The following SYNPO2 variants were observed in gnomAD, a reference collection of about 807,000 sequenced individuals.
SYNPO2 encodes the protein synaptopodin-2.
In SYNPO2, 56 loss-of-function variants were observed where a neutral mutation model predicts 85.0. That is an observed-to-expected ratio of 0.66 (90% CI 0.53 to 0.82). The LOEUF (loss-of-function observed/expected upper bound fraction) is 0.82, where lower values mean the gene tolerates loss of function less well. Ranked by LOEUF, SYNPO2 falls within the 40% of genes least tolerant of loss-of-function variation. The pLI is 0.00. For synonymous variants in SYNPO2, 602 were observed against 591.1 expected, an observed-to-expected ratio of 1.02 and a Z score of -0.27; for missense variants, 1,575 against 1,534.2, an observed-to-expected ratio of 1.03 and a Z score of -0.44.
chr4:118,869,733 AG>A lies in SYNPO2; in HGVS notation c.12+18794del, dbSNP rs567784525. On this transcript the variant is annotated intron_variant, in intron 1 of 4. Transcript: ENST00000610556. Reference sequence around the variant, plus strand: ...AAAACTTACAACTGGGAGATAGGACAGCTGATTTGTCAGCAAATATTTTTGA... The same window carrying A: ...AAAACTTACAACTGGGAGATAGGACACTGATTTGTCAGCAAATATTTTTGA... Among the ~76,000 whole-genome samples, 282 of 152,320 alleles carry A rather than the reference AG, an allele frequency of 1.9e-3. 1 individual carries two copies. The highest frequency in any genetic ancestry group is 6.0e-3 in the African/African-American group (249 of 41,582).
intron 1 of SYNPO2, among the ~76,000 whole-genome samples, chr4:118,913,678 G>A (rs1447521406): frequency 6.6e-6 from 1 of 151,868 alleles, no homozygotes; most frequent in Non-Finnish European, 1.5e-5. Context: ...TGAGGTCTTT[G>A]TGTCAGGGTC....
intron 1 of SYNPO2, among the ~76,000 whole-genome samples, chr4:118,945,924 T>C (rs1031736687): frequency 1.3e-5 from 2 of 152,050 alleles, no homozygotes; most frequent in Non-Finnish European, 2.9e-5. Flanking sequence ...TTTTGTATTG[T>C]TTGTAGAGTA....
At chr4:118,982,634 T>C (rs186573230) in intron 1 of SYNPO2, among the ~76,000 whole-genome samples, 1 of 152,348 alleles carries the variant, frequency 6.6e-6, no homozygotes, top group Admixed American at 6.5e-5. Flanking sequence ...CTTGCAGATA[T>C]CTTTTTGGTA....
intron 4 of SYNPO2, chr4:119,036,083 G>A (rs1227184455): frequency 1.0e-5 from 10 of 985,322 alleles, no homozygotes; most frequent in East Asian, 1.1e-4. Flanking sequence ...ATAAACTAGG[G>A]CTCCTGCAAG....
chr4:118,999,738 G>A (rs1293924548), intron 1 of SYNPO2, among the ~76,000 whole-genome samples: 1 of 152,108 alleles, frequency 6.6e-6, no homozygotes, highest in Non-Finnish European at 1.5e-5. Flanking sequence ...CATTGATCTG[G>A]GCTTTGCAGG....
intron 1 of SYNPO2, among the ~76,000 whole-genome samples, chr4:118,939,380 T>C (rs1437659791): frequency 6.6e-6 from 1 of 152,234 alleles, no homozygotes; most frequent in Non-Finnish European, 1.5e-5. Flanking sequence ...CGTGCTGTTC[T>C]GTGAAGGATG....
intron 1 of SYNPO2, among the ~76,000 whole-genome samples, chr4:118,954,745 C>A (rs945058816): frequency 6.6e-6 from 1 of 152,044 alleles, no homozygotes; most frequent in African/African-American, 2.4e-5. Context: ...GTCTATATAG[C>A]TATATACAAG....
rs527361884 is a variant in SYNPO2, at chr4:119,057,925, C to A, written c.3777C>A (p.Arg1259=). 3 of 1,609,106 alleles carry A rather than the reference C, an allele frequency of 1.9e-6. No homozygotes were observed. The highest frequency in any genetic ancestry group is 1.7e-6 in the Non-Finnish European group (2 of 1,177,732). The change falls in exon 5 of 5, where the codon CGC becomes CGA. Residue 1259 remains arginine (R), a synonymous_variant. Coordinates refer to ENST00000307142, the MANE Select transcript of SYNPO2 (RefSeq NM_133477.3). ...ACCCACACCCAAGGGGATGGAGACG[C>A]CAAACATGAAAGTTAGAAGAACGGA... ...NYNPHPRGWR[R]QT
intron 1 of SYNPO2, among the ~76,000 whole-genome samples, chr4:118,921,306 G>GT (rs1251716277): frequency 6.6e-6 from 1 of 152,074 alleles, no homozygotes; most frequent in African/African-American, 2.4e-5. Flanking sequence ...CTTAGAGATT[G>GT]TTTCATTCTC....
Position 118,890,697 on chromosome 4 carries a change from T to TTCTCTCTCTCTCTCTCTC in SYNPO2, c.105+1576_105+1593dup, listed in dbSNP as rs796242049. On this transcript the variant is annotated intron_variant, in intron 1 of 4. Transcript: ENST00000307142. ...CTCTCACCCTTCCTGTCTCATCGGTTTCTCTCTCTCTCTCTCTCTCTCTCT... is the reference window on the plus strand; with the variant it reads ...CTCTCACCCTTCCTGTCTCATCGGTTTCTCTCTCTCTCTCTCTCTCTCTCTCTCTCTCTCTCTCTCTCT... 9.8e-3 allele frequency among the ~76,000 whole-genome samples: 802 copies of TTCTCTCTCTCTCTCTCTC among 81,698 alleles called. 37 individuals carry two copies. Among genetic ancestry groups the TTCTCTCTCTCTCTCTCTC allele is most frequent in the Middle Eastern group, 0.041 (6 of 148 alleles). The allele number at this position is 81,698 out of a possible 152,430, so 53.6% of individuals were successfully genotyped here.
chr4:118,884,586 T>C (rs1185626129), upstream of SYNPO2, among the ~76,000 whole-genome samples: 1 of 152,166 alleles, frequency 6.6e-6, no homozygotes, highest in Non-Finnish European at 1.5e-5. Context: ...TACTAACCAA[T>C]GGGAAATAGA....
At chr4:118,896,972 T>A (rs182009066) in intron 1 of SYNPO2, among the ~76,000 whole-genome samples, 8,951 of 149,714 alleles carry the variant, frequency 0.06, 361 homozygotes, top group Non-Finnish European at 0.087. Flanking sequence ...AAAAAAAAAA[T>A]GAAGGATGAC....
intron 4 of SYNPO2, chr4:119,036,020 T>G (rs1429498433): frequency 2.0e-6 from 2 of 985,304 alleles, no homozygotes; most frequent in African/African-American, 1.7e-5. Flanking sequence ...TGTCTGCGTT[T>G]AGATTTAATT....
At chr4:118,974,425 A>T (rs1258486318) in intron 1 of SYNPO2, among the ~76,000 whole-genome samples, 2 of 152,218 alleles carry the variant, frequency 1.3e-5, no homozygotes, top group African/African-American at 4.8e-5. Flanking sequence ...TATTGTGGAA[A>T]ACTGGATTTC....
intron 1 of SYNPO2, among the ~76,000 whole-genome samples, chr4:118,858,302 A>G (rs1027912595): frequency 6.6e-6 from 1 of 152,176 alleles, no homozygotes; most frequent in Non-Finnish European, 1.5e-5. Context: ...ACTGTTATTT[A>G]TTGTGAGGGA....
chr4:119,036,214 C>G (rs1738504481), intron 4 of SYNPO2: 1 of 985,226 alleles, frequency 1.0e-6, no homozygotes, highest in Non-Finnish European at 1.2e-6. Context: ...TTTTGAAAAG[C>G]TAAATGCTTA....
At chr4:118,981,351 G>A (rs570510254) in intron 1 of SYNPO2, among the ~76,000 whole-genome samples, 1 of 152,270 alleles carries the variant, frequency 6.6e-6, no homozygotes, top group South Asian at 2.1e-4. Flanking sequence ...AACAACCAGA[G>A]AAGTTAATCA....
Position 119,057,866 on chromosome 4 carries a change from G to C in SYNPO2, c.3718G>C (p.Asp1240His). ...SAIMSMETRS[D>H]YCLPVADYNY... The stretch of plus-strand genomic sequence containing the variant: ...AATCATGTCCATGGAAACCAGGTCT[G>C]ATTACTGTCTTCCAGTAGCTGATTA... The change falls in exon 5 of 5, where the codon GAT becomes CAT. Residue 1240 changes from aspartate (D) to histidine (H), a missense_variant. By Grantham distance (81) the Asp-to-His change is moderately conservative. This residue lies in a region of SYNPO2 where 1,508 missense variants were observed against 1,446.8 expected (regional missense o/e 1.04). Transcript: ENST00000307142. 6.2e-7 allele frequency: 1 copy of C among 1,614,068 alleles called. No homozygotes were observed. Among genetic ancestry groups the C allele is most frequent in the Non-Finnish European group, 8.5e-7 (1 of 1,180,010 alleles).
chr4:118,935,873 G>A (rs1182654645), intron 1 of SYNPO2, among the ~76,000 whole-genome samples: 1 of 152,156 alleles, frequency 6.6e-6, no homozygotes, highest in African/African-American at 2.4e-5. Flanking sequence ...TCATTACAAA[G>A]GTTTTCACCC....
Sources: allele counts gnomAD v4.1 joint callset (sites outside exome capture counted in the v4.1 genomes callset), GRCh38; gene constraint gnomAD v4.1.1; regional missense constraint gnomAD v4.1.1; transcripts MANE v1.5; gene names NCBI Gene and HGNC (gene_info 2026-07-23, HGNC 2026-07-21).